LCLAT1: variants seen among roughly 807,000 people sequenced by gnomAD.
The protein encoded by LCLAT1 is 1-AGP acyltransferase 8.
Under a neutral mutation model 30.7 loss-of-function variants are expected in LCLAT1, and 11 were observed. That is an observed-to-expected ratio of 0.36 (90% confidence interval 0.23 to 0.59). The LOEUF (loss-of-function observed/expected upper bound fraction) is 0.59. Ranked by LOEUF, LCLAT1 falls within the 20% of genes least tolerant of loss-of-function variation. The pLI is 0.77. For synonymous variants in LCLAT1, 155 were observed against 151.3 expected, an observed-to-expected ratio of 1.02 and a Z score of -0.18; for missense variants, 402 against 458.6, an observed-to-expected ratio of 0.88 and a Z score of 1.13.
chr2:30,541,897 T>C (rs994717490), intron 3 of LCLAT1, among the ~76,000 whole-genome samples: 2 of 152,224 alleles, frequency 1.3e-5, no homozygotes, highest in Non-Finnish European at 2.9e-5. Flanking sequence ...TATCAGTCTT[T>C]CTAACTTCAG....
intron 3 of LCLAT1, among the ~76,000 whole-genome samples, chr2:30,560,750 G>A (rs1485284741): frequency 6.6e-6 from 1 of 152,162 alleles, no homozygotes; most frequent in African/African-American, 2.4e-5. Flanking sequence ...TTCTTTGTTT[G>A]CAAGGAACTG....
intron 5 of LCLAT1, among the ~76,000 whole-genome samples, chr2:30,582,533 C>T (rs1666251155): frequency 6.6e-6 from 1 of 152,232 alleles, no homozygotes; most frequent in Admixed American, 6.5e-5. Context: ...AGCACAATCT[C>T]TGTTGTCCAA....
At chr2:30,448,938 A>C (rs1172143856) in intron 1 of LCLAT1, among the ~76,000 whole-genome samples, 2 of 152,246 alleles carry the variant, frequency 1.3e-5, no homozygotes, top group Admixed American at 6.5e-5. Context: ...AAGGGCTTTA[A>C]AAAGTTAAAA....
intron 5 of LCLAT1, among the ~76,000 whole-genome samples, chr2:30,630,199 C>T (rs1295017168): frequency 6.6e-6 from 1 of 152,168 alleles, no homozygotes; most frequent in African/African-American, 2.4e-5. Context: ...CCCTCCTCTT[C>T]TTATGAGGAC....
At chr2:30,608,005 T>C (rs1367531448) in intron 5 of LCLAT1, among the ~76,000 whole-genome samples, 1 of 151,972 alleles carries the variant, frequency 6.6e-6, no homozygotes, top group African/African-American at 2.4e-5. Context: ...GGTTTGTGTT[T>C]TAAGCGAAGT....
intron 1 of LCLAT1, among the ~76,000 whole-genome samples, chr2:30,475,269 G>T (rs1015502282): frequency 3.3e-5 from 5 of 152,132 alleles, no homozygotes; most frequent in African/African-American, 1.2e-4. Context: ...ACAGTTCTGG[G>T]ATTACAAAAT....
chr2:30,631,030 A>G (rs2148527930), intron 5 of LCLAT1, among the ~76,000 whole-genome samples: 1 of 152,380 alleles, frequency 6.6e-6, no homozygotes, highest in South Asian at 2.1e-4. Context: ...ATCAGTTAGC[A>G]TACTTTAACT....
chr2:30,467,096 G>A (rs980814299), intron 1 of LCLAT1, among the ~76,000 whole-genome samples: 7 of 150,276 alleles, frequency 4.7e-5, no homozygotes, highest in African/African-American at 1.2e-4. Context: ...CCTCTCCCCC[G>A]ACCCCACGAC....
At chr2:30,476,612 A>C in intron 1 of LCLAT1, 2 of 437,786 alleles carry the variant, frequency 4.6e-6, no homozygotes, top group Non-Finnish European at 4.6e-6. Flanking sequence ...CAAGCTCAGA[A>C]CGCTCGCCGA....
chr2:30,493,495 A>G (rs561435150), intron 1 of LCLAT1, among the ~76,000 whole-genome samples: 60 of 152,338 alleles, frequency 3.9e-4, no homozygotes, highest in African/African-American at 1.4e-3. Flanking sequence ...TTGTTATACC[A>G]AGCATGTTCT....
intron 5 of LCLAT1, among the ~76,000 whole-genome samples, chr2:30,613,044 G>T (rs11895131): frequency 6.6e-6 from 1 of 152,110 alleles, no homozygotes; most frequent in Admixed American, 6.6e-5. Context: ...GAATTTGGGG[G>T]AAGAGGATCC....
chr2:30,535,408 G>A (rs1364051278), intron 3 of LCLAT1, among the ~76,000 whole-genome samples: 1 of 152,148 alleles, frequency 6.6e-6, no homozygotes, highest in Non-Finnish European at 1.5e-5. Context: ...TAATGGTAGA[G>A]CATTGTGTGC....
At chr2:30,521,417 G>A (rs558529727) in intron 1 of LCLAT1, among the ~76,000 whole-genome samples, 1 of 150,822 alleles carries the variant, frequency 6.6e-6, no homozygotes, top group Admixed American at 6.6e-5. Flanking sequence ...TTGGGGTCTG[G>A]ATCAGGACAG....
rs1669438014 is a variant in LCLAT1, at chr2:30,643,923, G to C, written c.*3304G>C. On this transcript the variant is annotated 3_prime_UTR_variant, in exon 6 of 6. Transcript: ENST00000379509. ...TCTAACGTGGAGAAATGAGCTTCAT[G>C]CTGAGGTAGTGGTTGCCTTAGAGCT... is the stretch of plus-strand genomic sequence containing the variant. The C allele has an allele frequency of 6.6e-6, 1 of 152,612 alleles. No homozygotes were observed. Among genetic ancestry groups the C allele is most frequent in the Non-Finnish European group, 1.5e-5 (1 of 68,030 alleles). 9.5% of individuals were successfully genotyped at this position (152,612 alleles called of 1,614,324 possible).
intron 3 of LCLAT1, among the ~76,000 whole-genome samples, chr2:30,546,536 G>A (rs1373289182): frequency 6.6e-6 from 1 of 152,142 alleles, no homozygotes; most frequent in Admixed American, 6.6e-5. Context: ...CATGTGGTCA[G>A]ATTTTCAGTT....
chr2:30,487,891 G>T (rs983449918), intron 1 of LCLAT1, among the ~76,000 whole-genome samples: 4 of 152,196 alleles, frequency 2.6e-5, no homozygotes, highest in Admixed American at 1.3e-4. Flanking sequence ...CTGAGCCCAG[G>T]TGAACCAGGT....
chr2:30,516,474 T>C (rs578161977), intron 1 of LCLAT1, among the ~76,000 whole-genome samples: 1 of 152,318 alleles, frequency 6.6e-6, no homozygotes, highest in East Asian at 1.9e-4. Context: ...TCTGCGCGGC[T>C]AAGTGCATGC....
At chr2:30,582,535 G>A (rs150040581) in intron 5 of LCLAT1, among the ~76,000 whole-genome samples, 1 of 152,264 alleles carries the variant, frequency 6.6e-6, no homozygotes, top group Non-Finnish European at 1.5e-5. Flanking sequence ...CACAATCTCT[G>A]TTGTCCAACT....
intron 1 of LCLAT1, among the ~76,000 whole-genome samples, chr2:30,458,734 G>T (rs767833957): frequency 6.6e-6 from 1 of 152,138 alleles, no homozygotes; most frequent in Non-Finnish European, 1.5e-5. Context: ...CCCAAAATCA[G>T]TACTGGTCCA....
Sources: gnomAD v4.1 joint callset for allele counts (sites outside exome capture counted in the v4.1 genomes callset) on GRCh38, gnomAD v4.1.1 for gene constraint, MANE v1.5 for transcripts, NCBI Gene and HGNC (gene_info 2026-07-23, HGNC 2026-07-21) for gene names.